SLC15A2: variants seen among roughly 807,000 people sequenced by gnomAD.
SLC15A2 encodes the protein solute carrier family 15 member 2, also known as kidney H(+)/peptide cotransporter.
Under a neutral mutation model 95.5 loss-of-function variants are expected in SLC15A2, and 77 were observed. The observed-to-expected ratio is 0.81, with a 90% CI of 0.67 to 0.97. The LOEUF (loss-of-function observed/expected upper bound fraction) is 0.97, where lower values mean the gene tolerates loss of function less well. Ranked by LOEUF, SLC15A2 falls within the 50% of genes least tolerant of loss-of-function variation. The pLI is 0.00. For missense variants in SLC15A2, 893 were observed against 874.4 expected (o/e 1.02, Z -0.27); for synonymous variants, 306 against 306.9 (o/e 1.00, Z 0.03).
Position 121,937,459 on chromosome 3 carries a change from C to T in SLC15A2, c.1762-1890C>T, listed in dbSNP as rs7428886. Among the ~76,000 whole-genome samples the T allele has an allele frequency of 5.1e-3, 715 of 139,902 alleles. 6 individuals carry two copies. Among genetic ancestry groups the T allele is most frequent in the African/African-American group, 0.019 (695 of 36,984 alleles). 91.8% of individuals were successfully genotyped at this position (139,902 alleles called of 152,430 possible). On this transcript the variant is annotated intron_variant, in intron 19 of 21. Transcript: ENST00000489711. ...TCCCATATTTCTTGGAGGCTTTGCTCGTTTCTTTTTATTCTTTTTTCTCTA... is the reference window on the plus strand; with the variant it reads ...TCCCATATTTCTTGGAGGCTTTGCTTGTTTCTTTTTATTCTTTTTTCTCTA...
At chr3:121,935,743 G>GT (rs1234754989) in intron 19 of SLC15A2, among the ~76,000 whole-genome samples, 1 of 151,968 alleles carries the variant, frequency 6.6e-6, no homozygotes, top group African/African-American at 2.4e-5. Context: ...TTTTTGAAGG[G>GT]TTTTTTGTGT....
At chr3:121,911,755 A>C in intron 4 of SLC15A2, 89 bp downstream of exon 4, 1 of 859,950 alleles carries the variant, frequency 1.2e-6, no homozygotes. Flanking sequence ...ATGTCTCTTT[A>C]TTTTCAATCT....
intron 3 of SLC15A2, among the ~76,000 whole-genome samples, chr3:121,907,670 G>A (rs1463518917): frequency 6.6e-6 from 1 of 152,188 alleles, no homozygotes; most frequent in Non-Finnish European, 1.5e-5. Flanking sequence ...GTTTGCCTGG[G>A]TATCACCAGT....
intron 13 of SLC15A2, among the ~76,000 whole-genome samples, chr3:121,925,772 ATATATATAT>A (rs1710108193): frequency 1.3e-4 from 11 of 82,328 alleles, no homozygotes; most frequent in South Asian, 3.5e-4. Context: ...ATATATATAT[ATATATATAT>A]AAAATACAAC....
At position 121,929,072 on chromosome 3, in the gene SLC15A2, G is replaced by A; in HGVS notation, c.1432G>A (p.Glu478Lys). Reference sequence around the variant, plus strand: ...ATATCACAATTTGTCTCTCTACACTGAGCATTCTGTGCAGGAGAAGAACTG... The same window carrying A: ...ATATCACAATTTGTCTCTCTACACTAAGCATTCTGTGCAGGAGAAGAACTG... ...LKYHNLSLYT[E>K]HSVQEKNWYS... is the part of the protein sequence containing the mutation. The change falls in exon 16 of 22, where the codon GAG (glutamate) becomes AAG (lysine). Residue 478 changes from glutamate to lysine, a missense_variant. Coordinates refer to ENST00000489711, the MANE Select transcript of SLC15A2 (RefSeq NM_021082.4). 2 of 1,614,116 alleles carry A rather than the reference G, an allele frequency of 1.2e-6. No homozygotes were observed. Among genetic ancestry groups the A allele is most frequent in the Non-Finnish European group, 1.7e-6 (2 of 1,179,986 alleles).
rs2107618057 is a variant in SLC15A2 at position 121,943,385 on chromosome 3, T to C, written c.*2378T>C. On this transcript the variant is annotated 3_prime_UTR_variant, in exon 22 of 22. Coordinates refer to ENST00000489711, the MANE Select transcript of SLC15A2 (RefSeq NM_021082.4). Reference sequence around the variant, plus strand: ...AAGTATTCAAGGTAAAGATTCTCGGTTCCTGTAATGGTTCCTCACCAGGCA... The same window carrying C: ...AAGTATTCAAGGTAAAGATTCTCGGCTCCTGTAATGGTTCCTCACCAGGCA... The C allele has an allele frequency of 6.6e-6, 1 of 152,304 alleles. No homozygotes were observed. The highest frequency in any genetic ancestry group is 1.5e-5 in the Non-Finnish European group (1 of 68,018). The allele number at this position is 152,304 out of a possible 1,614,324, so 9.4% of individuals were successfully genotyped here.
intron 3 of SLC15A2, 102 bp from the exon 4 acceptor site, chr3:121,911,472 C>G: frequency 2.8e-6 from 2 of 720,688 alleles, no homozygotes; most frequent in South Asian, 3.4e-5. Context: ...TCCTCCTCCT[C>G]CTCCATTTAT....
intron 19 of SLC15A2, among the ~76,000 whole-genome samples, chr3:121,938,538 C>T (rs1307420780): frequency 1.3e-5 from 2 of 152,248 alleles, no homozygotes; most frequent in Non-Finnish European, 2.9e-5. Context: ...CAGGTGCCGT[C>T]TGTCACCCCT....
chr3:121,927,328 G>A (rs758419201), intron 13 of SLC15A2, among the ~76,000 whole-genome samples: 3 of 152,250 alleles, frequency 2.0e-5, no homozygotes, highest in Admixed American at 2.0e-4. Flanking sequence ...GTGGGGCCTG[G>A]TGGGACATGA....
chr3:121,928,255 T>C (rs1404948661), intron 14 of SLC15A2, 166 bp from the exon 15 acceptor site: 3 of 740,528 alleles, frequency 4.1e-6, no homozygotes, highest in Admixed American at 5.9e-5. Context: ...GATGTTTCCC[T>C]CTCCAAGCTG....
rs1709434975 is a variant in SLC15A2, at chr3:121,897,238, G to A, written c.194-150G>A. ...CATGGGGCCCTGCTTCTACTGCCTG[G>A]CAGTCACTTCTCAGTCATGTCACTG... On this transcript the variant is annotated intron_variant, in intron 2 of 21. Coordinates refer to ENST00000489711, the MANE Select transcript of SLC15A2 (RefSeq NM_021082.4). 4 of 803,714 alleles carry A rather than the reference G, an allele frequency of 5.0e-6. No individual in the cohort carries two copies. In the African/African-American group the frequency reaches 5.2e-5, roughly 10 times the overall value. 49.8% of individuals were successfully genotyped at this position (803,714 alleles called of 1,614,324 possible).
chr3:121,923,167 G>C, intron 10 of SLC15A2, 38 bp downstream of exon 10: 1 of 1,613,182 alleles, frequency 6.2e-7, no homozygotes, highest in Non-Finnish European at 8.5e-7. Context: ...GCTCCTTACA[G>C]CCACTTCCCT....
intron 3 of SLC15A2, among the ~76,000 whole-genome samples, chr3:121,911,367 A>C (rs571866761): frequency 6.6e-6 from 1 of 152,316 alleles, no homozygotes; most frequent in East Asian, 1.9e-4. Context: ...CTAACACTAA[A>C]GAGTGAAGAA....
intron 3 of SLC15A2, among the ~76,000 whole-genome samples, chr3:121,904,282 C>G (rs900085981): frequency 1.3e-5 from 2 of 152,188 alleles, no homozygotes; most frequent in Non-Finnish European, 2.9e-5. Context: ...GATATACAAT[C>G]ATGTCATCTG....
At chr3:121,900,731 C>G (rs1055555453) in intron 3 of SLC15A2, among the ~76,000 whole-genome samples, 14 of 152,092 alleles carry the variant, frequency 9.2e-5, no homozygotes, top group Admixed American at 9.2e-4. Flanking sequence ...CCCCGTAAGG[C>G]TCACTCAAAT....
chr3:121,940,833 G>T lies in SLC15A2; in HGVS notation c.2016G>T (p.Trp672Cys). The T allele has an allele frequency of 6.2e-7, 1 of 1,611,316 alleles. No individual in the cohort carries two copies. Among genetic ancestry groups the T allele is most frequent in the South Asian group, 1.1e-5 (1 of 90,380 alleles). The change falls in exon 22 of 22, where the codon TGG (tryptophan) becomes TGT (cysteine). Residue 672 changes from tryptophan to cysteine, a missense_variant and splice_region_variant. Transcript: ENST00000489711. ...VVAQFSGLVQ[W>C]AEFILFSCLL... is the part of the protein sequence containing the mutation. ...CTCATATTTATTTCCCCCTGCAGTG[G>T]GCCGAATTCATTTTGTTTTCCTGCC...
chr3:121,903,749 TGTCGCCTTG>T (rs1709569442), intron 3 of SLC15A2, among the ~76,000 whole-genome samples: 1 of 152,238 alleles, frequency 6.6e-6, no homozygotes, highest in Non-Finnish European at 1.5e-5. Flanking sequence ...TTTTGGTTAC[TGTCGCCTTG>T]TAGTATAGTT....
At chr3:121,918,538 T>C (rs192938666) in intron 7 of SLC15A2, among the ~76,000 whole-genome samples, 3 of 147,602 alleles carry the variant, frequency 2.0e-5, no homozygotes, top group Non-Finnish European at 4.5e-5. Flanking sequence ...TGAAGATAGA[T>C]AACTAAAAGC....
chr3:121,913,271 G>C, intron 5 of SLC15A2, 151 bp downstream of exon 5: 1 of 591,032 alleles, frequency 1.7e-6, no homozygotes, highest in Middle Eastern at 4.3e-4. Flanking sequence ...GCCATTAATA[G>C]TGAGGAAAAC....
Sources: gnomAD v4.1 joint callset for allele counts (sites outside exome capture counted in the v4.1 genomes callset) on GRCh38, gnomAD v4.1.1 for gene constraint, MANE v1.5 for transcripts, NCBI Gene and HGNC (gene_info 2026-07-23, HGNC 2026-07-21) for gene names.